The following DCC variants were observed in gnomAD, a reference collection of about 807,000 sequenced individuals.
The protein encoded by DCC is DCC netrin 1 receptor, also known as netrin receptor DCC.
DCC carries 58 observed loss-of-function variants against 172.5 expected under a neutral mutation model. The ratio of observed to expected loss-of-function variants is 0.34; its 90% CI spans 0.27 to 0.42. The LOEUF is 0.42. DCC is among the 10% of genes least tolerant of loss of function. The probability of loss-of-function intolerance (pLI) is 1.00; values close to 1 mark genes in which losing one functional copy is unlikely to be tolerated. For missense variants in DCC, 1,740 were observed against 1,791.0 expected (o/e 0.97, Z 0.51); for synonymous variants, 709 against 644.5 (o/e 1.10, Z -1.52).
intron 1 of DCC, among the ~76,000 whole-genome samples, chr18:52,578,508 A>G (rs1006326858): frequency 2.0e-5 from 3 of 152,178 alleles, no homozygotes; most frequent in African/African-American, 4.8e-5. Context: ...TGTTATTTGT[A>G]TGAAATTTTT....
At chr18:53,088,479 C>T (rs2042952442) in intron 7 of DCC, among the ~76,000 whole-genome samples, 1 of 152,066 alleles carries the variant, frequency 6.6e-6, no homozygotes. Context: ...GCTGAAGTTG[C>T]TTATCAGCTT....
chr18:53,156,954 G>A (rs1350559831), intron 7 of DCC, among the ~76,000 whole-genome samples: 1 of 152,122 alleles, frequency 6.6e-6, no homozygotes, highest in African/African-American at 2.4e-5. Flanking sequence ...AAAGTCATGA[G>A]AGGTGTAATC....
intron 4 of DCC, among the ~76,000 whole-genome samples, chr18:52,924,440 G>C (rs1336753569): frequency 6.6e-6 from 1 of 151,874 alleles, no homozygotes; most frequent in East Asian, 1.9e-4. Flanking sequence ...CAACTATATC[G>C]CTCATATTCC....
intron 1 of DCC, among the ~76,000 whole-genome samples, chr18:52,662,629 AAG>A (rs1281439448): frequency 6.7e-6 from 1 of 150,364 alleles, no homozygotes; most frequent in Non-Finnish European, 1.5e-5. Flanking sequence ...AAGAAAGAGA[AAG>A]AAGCGAAAAG....
chr18:52,660,051 C>T (rs1482217936), intron 1 of DCC, among the ~76,000 whole-genome samples: 3 of 152,040 alleles, frequency 2.0e-5, no homozygotes, highest in South Asian at 2.1e-4. Flanking sequence ...ATTCCTCGCC[C>T]GCCAATTAAT....
chr18:52,474,624 G>A (rs1179205892), intron 1 of DCC, among the ~76,000 whole-genome samples: 1 of 152,222 alleles, frequency 6.6e-6, no homozygotes, highest in Non-Finnish European at 1.5e-5. Flanking sequence ...GGAGGCCACA[G>A]CCTCCATTCT....
At chr18:53,475,030 A>C (rs1304167105) in intron 25 of DCC, among the ~76,000 whole-genome samples, 2 of 150,588 alleles carry the variant, frequency 1.3e-5, no homozygotes, top group South Asian at 2.2e-4. Context: ...TGTTTTAGCA[A>C]AGAGACTGGG....
chr18:53,159,955 G>C (rs1018239741), intron 8 of DCC, among the ~76,000 whole-genome samples: 6 of 152,126 alleles, frequency 3.9e-5, no homozygotes, highest in African/African-American at 1.2e-4. Context: ...AGAATAGTGT[G>C]AGCTCAGAGA....
At chr18:52,852,228 T>G in intron 2 of DCC, among the ~76,000 whole-genome samples, 1 of 152,112 alleles carries the variant, frequency 6.6e-6, no homozygotes, top group East Asian at 1.9e-4. Context: ...GTACTATTAT[T>G]GACACAAGGA....
chr18:53,372,458 A>G (rs753685968), intron 15 of DCC, among the ~76,000 whole-genome samples: 15 of 152,058 alleles, frequency 9.9e-5, no homozygotes, highest in Non-Finnish European at 1.8e-4. Flanking sequence ...GGCCTACTTG[A>G]GGGTAAAGGG....
At chr18:52,718,321 A>T (rs1171341384) in intron 1 of DCC, among the ~76,000 whole-genome samples, 6 of 152,248 alleles carry the variant, frequency 3.9e-5, no homozygotes, top group African/African-American at 1.4e-4. Context: ...GTATTTGGGC[A>T]GAGATAATTG....
rs532813636 is a variant in DCC at position 52,529,412 on chromosome 18, T to G, written c.91+188534T>G. On this transcript the variant is annotated intron_variant, in intron 1 of 28. Transcript: ENST00000442544. Reference sequence around the variant, plus strand: ...TTCACGCCATTCTCCTGCCTCAGCCTCCCGAGTAGCTGGGACTACAGGCGC... The same window carrying G: ...TTCACGCCATTCTCCTGCCTCAGCCGCCCGAGTAGCTGGGACTACAGGCGC... Among the ~76,000 whole-genome samples the G allele has an allele frequency of 4.1e-4, 63 of 152,234 alleles. 1 individual carries two copies. The highest frequency in any genetic ancestry group is 7.6e-4 in the Non-Finnish European group (52 of 68,006).
Position 53,208,042 on chromosome 18 carries a change from T to G in DCC, c.1861+225T>G, listed in dbSNP as rs117510097. ...ACTTTAAGAGACTGAGGCAGGAGGATGAGTTAAGCCTAGGAGTTCAAGACC... is the reference window on the plus strand; with the variant it reads ...ACTTTAAGAGACTGAGGCAGGAGGAGGAGTTAAGCCTAGGAGTTCAAGACC... On this transcript the variant is annotated intron_variant, in intron 11 of 28. Transcript: ENST00000442544. 5.6e-3 allele frequency among the ~76,000 whole-genome samples: 850 copies of G among 151,752 alleles called. 6 individuals carry two copies. The highest frequency in any genetic ancestry group is 0.023 in the Admixed American group (351 of 15,222).
At chr18:52,580,957 A>C (rs2033530189) in intron 1 of DCC, among the ~76,000 whole-genome samples, 1 of 152,108 alleles carries the variant, frequency 6.6e-6, no homozygotes, top group African/African-American at 2.4e-5. Flanking sequence ...TTTTTCCTTC[A>C]AGTATCTGTT....
chr18:53,063,505 T>C (rs1163707602), intron 6 of DCC, 46 bp downstream of exon 6: 1 of 1,443,218 alleles, frequency 6.9e-7, no homozygotes, highest in East Asian at 2.3e-5. Flanking sequence ...ATTCATTGTT[T>C]TCTATTTTTT....
chr18:53,107,099 G>T (rs911545111), intron 7 of DCC, among the ~76,000 whole-genome samples: 6 of 151,754 alleles, frequency 4.0e-5, no homozygotes, highest in African/African-American at 1.5e-4. Context: ...CATCCTCTAA[G>T]AATGCCTAAC....
chr18:52,677,831 C>A (rs538031426), intron 1 of DCC, among the ~76,000 whole-genome samples: 1 of 152,270 alleles, frequency 6.6e-6, no homozygotes, highest in South Asian at 2.1e-4. Context: ...AAAAGGCTGG[C>A]TTCTCGTTGA....
intron 2 of DCC, among the ~76,000 whole-genome samples, chr18:52,804,904 T>C (rs1306982962): frequency 6.6e-6 from 1 of 152,206 alleles, no homozygotes; most frequent in African/African-American, 2.4e-5. Flanking sequence ...TTTAAAAAAA[T>C]ATGCCTGGTG....
At chr18:53,116,127 T>C (rs756855480) in intron 7 of DCC, among the ~76,000 whole-genome samples, 1 of 151,650 alleles carries the variant, frequency 6.6e-6, no homozygotes, top group East Asian at 1.9e-4. Context: ...TTGCAACACA[T>C]GATGTTAATG....
Sources: gnomAD v4.1 joint callset for allele counts (sites outside exome capture counted in the v4.1 genomes callset) on GRCh38, gnomAD v4.1.1 for gene constraint, MANE v1.5 for transcripts, NCBI Gene and HGNC (gene_info 2026-07-23, HGNC 2026-07-21) for gene names.